L3MBTL3: variants seen among roughly 807,000 people sequenced by gnomAD.
L3MBTL3 encodes L3MBTL histone methyl-lysine binding protein 3.
L3MBTL3 carries 27 observed loss-of-function variants against 102.3 expected under a neutral mutation model. The observed-to-expected ratio is 0.26, with a 90% CI of 0.19 to 0.36. The LOEUF is 0.36. L3MBTL3 is among the 10% of genes least tolerant of loss of function. L3MBTL3 has a pLI of 1.00. For missense variants in L3MBTL3, 798 were observed against 955.3 expected, an observed-to-expected ratio of 0.84 and a Z score of 2.17; for synonymous variants, 340 against 320.9, an observed-to-expected ratio of 1.06 and a Z score of -0.64.
intron 22 of L3MBTL3, 81 bp from the exon 23 acceptor site, chr6:130,139,529 G>T: frequency 7.7e-7 from 1 of 1,301,320 alleles, no homozygotes. Flanking sequence ...GTAGAAGACA[G>T]CTGGTAATTT....
In L3MBTL3 at chr6:130,117,298, G is replaced by A. The variant is rs999696270; in HGVS notation, c.1887-3581G>A. Among the ~76,000 whole-genome samples, 8 of 150,150 alleles carry A rather than the reference G, an allele frequency of 5.3e-5. No homozygotes were observed. The South Asian group carries it at 1.1e-3, about 20-fold the overall frequency. On this transcript the variant is annotated intron_variant, in intron 19 of 22. Transcript: ENST00000361794. ...TCATCCATGTCCCTACAAAGGACACGAACTCATCATTTTTTATGGCTGCAT... is the reference window on the plus strand; with the variant it reads ...TCATCCATGTCCCTACAAAGGACACAAACTCATCATTTTTTATGGCTGCAT...
chr6:130,116,639 G>A (rs1785700008), intron 19 of L3MBTL3, among the ~76,000 whole-genome samples: 1 of 152,062 alleles, frequency 6.6e-6, no homozygotes, highest in African/African-American at 2.4e-5. Context: ...TGTAGTTTCA[G>A]CTACTTGGGA....
At chr6:130,053,053 T>A in intron 7 of L3MBTL3, 62 bp downstream of exon 7, 1 of 1,279,334 alleles carries the variant, frequency 7.8e-7, no homozygotes. Context: ...AGCATCACAG[T>A]CACAAGCACT....
intron 14 of L3MBTL3, among the ~76,000 whole-genome samples, chr6:130,082,490 T>A (rs1196547591): frequency 6.6e-6 from 1 of 152,184 alleles, no homozygotes; most frequent in Non-Finnish European, 1.5e-5. Context: ...TTGCTAGCAT[T>A]ATATATCTTC....
At chr6:130,125,852 T>G (rs1786563933) in intron 20 of L3MBTL3, among the ~76,000 whole-genome samples, 1 of 152,074 alleles carries the variant, frequency 6.6e-6, no homozygotes, top group Non-Finnish European at 1.5e-5. Context: ...ACTCCGTAGG[T>G]CCATGAGGCC....
intron 3 of L3MBTL3, among the ~76,000 whole-genome samples, chr6:130,048,178 G>A (rs4404788): frequency 0.54 from 81,695 of 152,076 alleles, 25,380 homozygotes; most frequent in East Asian, 0.76. Context: ...TTCTATTGGC[G>A]TGTTGACTAA....
chr6:130,031,889 A>G (rs1443363886), intron 2 of L3MBTL3, among the ~76,000 whole-genome samples: 2 of 152,128 alleles, frequency 1.3e-5, no homozygotes, highest in Non-Finnish European at 2.9e-5. Flanking sequence ...AGTAAAAATT[A>G]CTATTAAAAT....
chr6:130,043,777 C>T (rs757537665), intron 3 of L3MBTL3, among the ~76,000 whole-genome samples: 16 of 152,306 alleles, frequency 1.1e-4, no homozygotes, highest in Non-Finnish European at 2.2e-4. Context: ...CCTGCCCTAG[C>T]TCATCCTCAG....
intron 2 of L3MBTL3, among the ~76,000 whole-genome samples, chr6:130,040,210 C>A (rs1308021208): frequency 2.6e-5 from 4 of 151,568 alleles, no homozygotes; most frequent in Middle Eastern, 3.2e-3. Flanking sequence ...CGCCTATAAT[C>A]CCCAGCTACT....
intron 18 of L3MBTL3, among the ~76,000 whole-genome samples, chr6:130,097,159 ATTAATCC>A (rs1784408359): frequency 6.6e-6 from 1 of 152,204 alleles, no homozygotes; most frequent in Non-Finnish European, 1.5e-5. Flanking sequence ...CTGGCCGGGT[ATTAATCC>A]TTAATAGGCA....
At chr6:130,039,524 T>C (rs1780282423) in intron 2 of L3MBTL3, among the ~76,000 whole-genome samples, 1 of 151,986 alleles carries the variant, frequency 6.6e-6, no homozygotes, top group South Asian at 2.1e-4. Context: ...CAGTATTGGC[T>C]TTCAGACTTT....
chr6:130,077,843 A>T (rs1241086949), intron 13 of L3MBTL3, among the ~76,000 whole-genome samples: 1 of 152,096 alleles, frequency 6.6e-6, no homozygotes, highest in Admixed American at 6.6e-5. Flanking sequence ...CATCTTTTAG[A>T]CCAACATTTT....
chr6:130,083,370 G>C (rs897328085), intron 14 of L3MBTL3, among the ~76,000 whole-genome samples: 1 of 151,830 alleles, frequency 6.6e-6, no homozygotes. Context: ...TGTCTTGTAA[G>C]ACTGTCTTTA....
intron 15 of L3MBTL3, 109 bp downstream of exon 15, chr6:130,083,814 T>C (rs1036098410): frequency 8.1e-6 from 4 of 496,260 alleles, no homozygotes; most frequent in Non-Finnish European, 1.5e-5. Context: ...GAGAAAAAAA[T>C]AGAGCACCAA....
At chr6:130,100,486 CAG>C (rs1784615076) in intron 18 of L3MBTL3, among the ~76,000 whole-genome samples, 1 of 152,124 alleles carries the variant, frequency 6.6e-6, no homozygotes, top group African/African-American at 2.4e-5. Context: ...TGACTCTTCT[CAG>C]GGTTCAGAGA....
rs550651640 is a variant in L3MBTL3 at position 130,106,140 on chromosome 6, C to T, written c.1886+1565C>T. Among the ~76,000 whole-genome samples the T allele has an allele frequency of 5.3e-5, 8 of 152,112 alleles. No homozygotes were observed. The South Asian group carries it at 1.7e-3, about 32-fold the overall frequency. ...TTTTAAAATGATATTTTTGCCTATG[C>T]CTATTAATACTTATCATTAGTAATT... On this transcript the variant is annotated intron_variant, in intron 19 of 22. Coordinates refer to ENST00000361794, the MANE Select transcript of L3MBTL3 (RefSeq NM_032438.4).
chr6:130,110,267 T>A (rs1785267845), intron 19 of L3MBTL3, among the ~76,000 whole-genome samples: 1 of 152,210 alleles, frequency 6.6e-6, no homozygotes, highest in African/African-American at 2.4e-5. Flanking sequence ...GGAATAGCAT[T>A]GAATCTATAA....
At chr6:130,061,835 G>A (rs1781920313) in intron 10 of L3MBTL3, among the ~76,000 whole-genome samples, 1 of 152,120 alleles carries the variant, frequency 6.6e-6, no homozygotes, top group African/African-American at 2.4e-5. Flanking sequence ...TCCTGAAAAG[G>A]AACAGCGAGA....
chr6:130,051,051 T>C (rs893874468), intron 5 of L3MBTL3, among the ~76,000 whole-genome samples, 198 bp from the exon 6 acceptor site: 12 of 152,234 alleles, frequency 7.9e-5, no homozygotes, highest in African/African-American at 2.9e-4. Flanking sequence ...CAGAATATTT[T>C]TTCATTATTT....
Sources: allele counts gnomAD v4.1 joint callset (sites outside exome capture counted in the v4.1 genomes callset), GRCh38; gene constraint gnomAD v4.1.1; transcripts MANE v1.5; gene names NCBI Gene and HGNC (gene_info 2026-07-23, HGNC 2026-07-21).